Variants in TUBGCP2 observed in about 807,000 individuals in gnomAD.
The protein encoded by TUBGCP2 is tubulin gamma complex component 2, also known as gamma-tubulin complex component 2.
A neutral mutation model predicts 92.2 loss-of-function variants in TUBGCP2; 55 were observed. That is an observed-to-expected ratio of 0.60 (90% CI 0.48 to 0.75). The LOEUF is 0.75. Ranked by LOEUF, TUBGCP2 falls within the 30% of genes least tolerant of loss-of-function variation. The pLI is 0.00. For missense variants in TUBGCP2, 1,093 were observed against 1,188.9 expected (o/e 0.92, Z 1.19); for synonymous variants, 533 against 505.2 (o/e 1.06, Z -0.74).
At chr10:133,289,411 G>A (rs1261163985) in intron 9 of TUBGCP2, among the ~76,000 whole-genome samples, 3 of 152,194 alleles carry the variant, frequency 2.0e-5, no homozygotes, top group East Asian at 3.8e-4. Context: ...CCAAGTCCCC[G>A]CGCCACTGCC....
chr10:133,298,549 C>A (rs555355160), intron 4 of TUBGCP2, among the ~76,000 whole-genome samples: 2 of 152,380 alleles, frequency 1.3e-5, no homozygotes, highest in Admixed American at 6.5e-5. Context: ...CCTTACCCTG[C>A]CGGAGAAGGG....
chr10:133,285,654 G>A lies in TUBGCP2; in HGVS notation c.1723-26C>T. The stretch of plus-strand genomic sequence containing the variant: ...CTTGGAGGGAAGGAAATGAAACAAA[G>A]CATCCAGTTTTAAGGAAAAGACCCG... On this transcript the variant is annotated intron_variant, in intron 11 of 17. Transcript: ENST00000252936. This position sits in a 1 kb window ranked among gnomAD's most constrained non-coding sequence, Gnocchi z 6.8. The A allele has an allele frequency of 2.7e-6, 4 of 1,496,588 alleles. No individual in the cohort carries two copies. Among genetic ancestry groups the A allele is most frequent in the East Asian group, 2.3e-5 (1 of 43,404 alleles). The allele number at this position is 1,496,588 out of a possible 1,614,324, so 92.7% of individuals were successfully genotyped here.
Position 133,284,018 on chromosome 10 carries a change from G to A in TUBGCP2, c.2025-16C>T. ...CCCAGCAAACCTGAGTGACACGGAGGACGGAGGACAGCCATGGAGGACGCG... is the reference window on the plus strand; with the variant it reads ...CCCAGCAAACCTGAGTGACACGGAGAACGGAGGACAGCCATGGAGGACGCG... On this transcript the variant is annotated splice_polypyrimidine_tract_variant and intron_variant, in intron 13 of 17. Coordinates refer to ENST00000252936, the MANE Select transcript of TUBGCP2 (RefSeq NM_006659.4). The A allele has an allele frequency of 6.2e-7, 1 of 1,612,398 alleles. No individual in the cohort carries two copies.
At chr10:133,279,942 TGCGG>T in intron 17 of TUBGCP2, 41 bp from the exon 18 acceptor site, 1 of 1,592,852 alleles carries the variant, frequency 6.3e-7, no homozygotes, top group Non-Finnish European at 8.5e-7. Flanking sequence ...ACACCCCTTC[TGCGG>T]GTGCATGCTG....
chr10:133,301,190 G>A (rs61869893), intron 2 of TUBGCP2, among the ~76,000 whole-genome samples: 1 of 152,194 alleles, frequency 6.6e-6, no homozygotes, highest in African/African-American at 2.4e-5. Context: ...GTGCAATGGC[G>A]TGATCTAGGC....
intron 2 of TUBGCP2, 104 bp downstream of exon 2, chr10:133,302,688 G>A (rs1465771618): frequency 2.6e-5 from 38 of 1,452,340 alleles, no homozygotes; most frequent in African/African-American, 5.7e-5. Context: ...ACCCAGGAAC[G>A]GCGCTCACCC....
At chr10:133,291,245 GTCCCCCATGT>G (rs1847282968) in intron 8 of TUBGCP2, among the ~76,000 whole-genome samples, 1 of 69,180 alleles carries the variant, frequency 1.4e-5, no homozygotes. Flanking sequence ...CGCCCTCCGT[GTCCCCCATGT>G]CCCTCCGTGT....
Position 133,283,877 on chromosome 10 carries a change from C to T in TUBGCP2, c.2145+5G>A. On this transcript the variant is annotated splice_donor_5th_base_variant and intron_variant, in intron 14 of 17. Transcript: ENST00000252936. Reference sequence around the variant, plus strand: ...AACGTTATTATCTGTGGAGCTAAAACTCACGGATTTCAGGTTTTTCTCCAG... The same window carrying T: ...AACGTTATTATCTGTGGAGCTAAAATTCACGGATTTCAGGTTTTTCTCCAG... The T allele has an allele frequency of 6.2e-7, 1 of 1,613,750 alleles. No individual in the cohort carries two copies. The highest frequency in any genetic ancestry group is 8.5e-7 in the Non-Finnish European group (1 of 1,179,754).
chr10:133,309,398 C>T (rs775574245), upstream of TUBGCP2: 4 of 1,611,606 alleles, frequency 2.5e-6, no homozygotes, highest in South Asian at 2.2e-5. Flanking sequence ...AGGATGGGGA[C>T]GTGCAGCGCC....
chr10:133,309,442 C>T (rs868305864), upstream of TUBGCP2: 2 of 1,612,480 alleles, frequency 1.2e-6, no homozygotes, highest in Non-Finnish European at 1.7e-6. Context: ...ATGCAGGTGG[C>T]CGACGTGCCT....
intron 2 of TUBGCP2, among the ~76,000 whole-genome samples, chr10:133,300,846 T>C (rs1467466270): frequency 6.6e-6 from 1 of 152,236 alleles, no homozygotes; most frequent in African/African-American, 2.4e-5. Context: ...GCGTTCATTG[T>C]ATACATTTCA....
upstream of TUBGCP2, among the ~76,000 whole-genome samples, chr10:133,310,797 A>G (rs544304037): frequency 1.9e-4 from 29 of 151,606 alleles, 1 homozygote; most frequent in South Asian, 5.8e-3. Context: ...AAATACTTCC[A>G]GGAACAATCT....
At chr10:133,293,444 G>C (rs1216184793) in intron 6 of TUBGCP2, 118 bp downstream of exon 6, 11 of 1,301,892 alleles carry the variant, frequency 8.4e-6, no homozygotes, top group Non-Finnish European at 1.2e-5. Context: ...GCACGGAGTT[G>C]TCACCAAGGC....
chr10:133,298,977 T>C (rs1211312912), intron 4 of TUBGCP2, among the ~76,000 whole-genome samples: 1 of 152,200 alleles, frequency 6.6e-6, no homozygotes, highest in Non-Finnish European at 1.5e-5. Context: ...AAGACCAGGG[T>C]AGGGCATAAA....
chr10:133,301,891 T>C (rs1288454110), intron 2 of TUBGCP2: 1 of 151,726 alleles, frequency 6.6e-6, no homozygotes, highest in African/African-American at 2.4e-5. Context: ...ATTTTTTGTA[T>C]TTTTAGTAGA....
chr10:133,301,364 A>T (rs1301812581), intron 2 of TUBGCP2, among the ~76,000 whole-genome samples: 2 of 152,122 alleles, frequency 1.3e-5, no homozygotes, highest in East Asian at 3.9e-4. Flanking sequence ...ACCTTAGGTG[A>T]TCCACCCGCC....
Position 133,285,066 on chromosome 10 carries a change from G to A in TUBGCP2, c.2024+19C>T. 1 of 1,588,522 alleles carries A rather than the reference G, an allele frequency of 6.3e-7. No individual in the cohort carries two copies. Among genetic ancestry groups the A allele is most frequent in the Non-Finnish European group, 8.6e-7 (1 of 1,163,416 alleles). ...AGCGCTGCTTCAGGAGGGCATGCGG[G>A]GGCAGAGGAAGAACGCACCACTGGG... On this transcript the variant is annotated intron_variant, in intron 13 of 17. Transcript: ENST00000252936. The surrounding 1 kb of genome is among the most constrained non-coding windows in gnomAD (Gnocchi z 6.8).
rs968170286 is a variant in TUBGCP2, at chr10:133,300,053, T to G, written c.211A>C (p.Lys71Gln). Residue 71 changes from lysine (K) to glutamine (Q), a missense_variant, in exon 3 of 18, where the codon AAA (lysine) becomes CAA (glutamine). Lys to Gln is a moderately conservative substitution (Grantham distance 53). Transcript: ENST00000252936. ...EDFLKKYDEL[K>Q]SKNTRNLDPL... Reference sequence around the variant, plus strand: ...TCAAGGTTCCTTGTATTTTTAGATTTCAGTTCATCATATTTCTTTAGAAAG... The same window carrying G: ...TCAAGGTTCCTTGTATTTTTAGATTGCAGTTCATCATATTTCTTTAGAAAG... 6.2e-7 allele frequency: 1 copy of G among 1,614,182 alleles called. No homozygotes were observed. The highest frequency in any genetic ancestry group is 8.5e-7 in the Non-Finnish European group (1 of 1,180,026).
rs1423598031 is a variant in TUBGCP2 at position 133,279,782 on chromosome 10, G to A, written c.2693C>T (p.Ala898Val). The change falls in exon 18 of 18, where the codon GCA becomes GTA. Residue 898 changes from alanine (A) to valine (V), a missense_variant. Ala to Val is a moderately conservative substitution (Grantham distance 64). Transcript: ENST00000252936. ...AGCCAGGGCTCACTGTGCGGTGACT[G>A]CGACCCTGGGTGCAGGAGCCGGGGG... ...RGPPAPAPRV[A>V]VTAQ 8 of 1,561,344 alleles carry A rather than the reference G, an allele frequency of 5.1e-6. No individual in the cohort carries two copies. Among genetic ancestry groups the A allele is most frequent in the Non-Finnish European group, 6.9e-6 (8 of 1,153,138 alleles).
Sources: allele counts gnomAD v4.1 joint callset (sites outside exome capture counted in the v4.1 genomes callset), GRCh38; gene constraint gnomAD v4.1.1; non-coding constraint Gnocchi (gnomAD v3.1); transcripts MANE v1.5; gene names NCBI Gene and HGNC (gene_info 2026-07-23, HGNC 2026-07-21).